The following LYN variants were observed in gnomAD, a reference collection of about 807,000 sequenced individuals.
LYN encodes the protein tyrosine-protein kinase Lyn.
In LYN, 12 loss-of-function variants were observed where a neutral mutation model predicts 65.0. That is an observed-to-expected ratio of 0.18 (90% CI 0.12 to 0.30). The LOEUF (loss-of-function observed/expected upper bound fraction) is 0.30, where lower values mean the gene tolerates loss of function less well. Among genes scored for constraint, LYN ranks in the 10% least tolerant of loss-of-function variants. The probability of loss-of-function intolerance (pLI) is 1.00; values close to 1 mark genes in which losing one functional copy is unlikely to be tolerated. For synonymous variants in LYN, 222 were observed against 221.2 expected, an observed-to-expected ratio of 1.00 and a Z score of -0.03; for missense variants, 380 against 623.2, an observed-to-expected ratio of 0.61 and a Z score of 4.16.
intron 1 of LYN, among the ~76,000 whole-genome samples, chr8:55,904,274 G>T (rs941558201): frequency 2.6e-5 from 4 of 152,060 alleles, no homozygotes; most frequent in African/African-American, 9.7e-5. Context: ...CCAAATTCAG[G>T]AGTAAGTAAC....
intron 12 of LYN, among the ~76,000 whole-genome samples, chr8:56,008,125 A>AAAAAAAAT (rs762053359): frequency 6.7e-5 from 9 of 133,608 alleles, no homozygotes; most frequent in African/African-American, 2.4e-4. Flanking sequence ...CCTCAAAAAA[A>AAAAAAAAT]AAATAAAATA....
Position 55,966,891 on chromosome 8 carries a change from G to A in LYN, c.967G>A (p.Ala323Thr), listed in dbSNP as rs1807474529. Residue 323 changes from alanine to threonine, a missense_variant, in exon 9 of 13, where the codon GCC becomes ACC. Physicochemically the swap from Ala to Thr is moderately conservative, Grantham distance 58 (BLOSUM62 0). This residue lies in a region of LYN where 223 missense variants were observed against 430.0 expected (regional missense o/e 0.52). Transcript: ENST00000519728. ...EPIYIITEYMAKGSLLDFLKS... is the reference protein window; with the variant it reads ...EPIYIITEYMTKGSLLDFLKS... ...CATTTACATCATCACCGAGTACATG[G>A]CCAAGGGTGAGTTCCTCCCACTGCC... is the stretch of plus-strand genomic sequence containing the variant. 6.2e-7 allele frequency: 1 copy of A among 1,612,932 alleles called. No homozygotes were observed. Among genetic ancestry groups the A allele is most frequent in the African/African-American group, 1.3e-5 (1 of 74,816 alleles).
At chr8:55,880,555 A>T (rs993121702) in intron 1 of LYN, among the ~76,000 whole-genome samples, 56 of 151,946 alleles carry the variant, frequency 3.7e-4, no homozygotes, top group African/African-American at 1.3e-3. Context: ...GTGCAATCTG[A>T]TCTCCCCTCT....
At chr8:55,925,192 C>T (rs1372731955) in intron 1 of LYN, among the ~76,000 whole-genome samples, 5 of 152,100 alleles carry the variant, frequency 3.3e-5, no homozygotes, top group African/African-American at 4.8e-5. Flanking sequence ...GTGCAATCAC[C>T]GTTCACTGCC....
intron 12 of LYN, among the ~76,000 whole-genome samples, chr8:56,007,123 G>A (rs1323108965): frequency 6.6e-6 from 1 of 152,122 alleles, no homozygotes; most frequent in East Asian, 1.9e-4. Context: ...CTTCCACTGT[G>A]GCTGCATTCT....
intron 10 of LYN, among the ~76,000 whole-genome samples, chr8:55,983,811 A>G (rs1337840340): frequency 6.6e-6 from 1 of 151,840 alleles, no homozygotes; most frequent in Non-Finnish European, 1.5e-5. Flanking sequence ...CTTTCAACCT[A>G]TTTTTTCTCC....
intron 1 of LYN, among the ~76,000 whole-genome samples, chr8:55,935,401 A>T (rs996248550): frequency 1.5e-4 from 23 of 152,182 alleles, no homozygotes; most frequent in Non-Finnish European, 1.5e-5. Flanking sequence ...AATAATGACC[A>T]TGGTATGTAA....
chr8:55,981,267 C>T (rs16920156), intron 10 of LYN, among the ~76,000 whole-genome samples: 6,041 of 152,232 alleles, frequency 0.04, 428 homozygotes, highest in African/African-American at 0.14. Flanking sequence ...TCCTCAGTCT[C>T]GGTCCCCGCC....
intron 1 of LYN, among the ~76,000 whole-genome samples, chr8:55,882,277 C>A (rs1804673427): frequency 6.6e-6 from 1 of 152,146 alleles, no homozygotes; most frequent in African/African-American, 2.4e-5. Context: ...TGTAATCCCG[C>A]CCCTGCCCTC....
chr8:55,972,523 G>A (rs912181899), intron 10 of LYN, among the ~76,000 whole-genome samples: 1 of 152,098 alleles, frequency 6.6e-6, no homozygotes, highest in Non-Finnish European at 1.5e-5. Flanking sequence ...TGCTCACTGC[G>A]CCTGCTCCCT....
At position 55,951,983 on chromosome 8, in the gene LYN, G is replaced by C; in HGVS notation, c.505G>C (p.Val169Leu). ...CCCCATAGGAAGCTTCTCTCTGTCT[G>C]TCAGAGACTTTGACCCTGTGCATGG... ...ETLKGSFSLSVRDFDPVHGDV... is the reference protein window; with the variant it reads ...ETLKGSFSLSLRDFDPVHGDV... The change falls in exon 7 of 13, where the codon GTC becomes CTC. Residue 169 changes from valine to leucine, a missense_variant. Around this residue, in one of 2 missense-constraint regions of LYN, gnomAD observed 223 missense variants for 430.0 expected, o/e 0.52. Transcript: ENST00000519728. The C allele has an allele frequency of 5.0e-6, 8 of 1,610,372 alleles. No homozygotes were observed. The highest frequency in any genetic ancestry group is 5.1e-6 in the Non-Finnish European group (6 of 1,179,134).
intron 1 of LYN, among the ~76,000 whole-genome samples, chr8:55,901,420 A>G (rs566102987): frequency 5.3e-5 from 8 of 152,320 alleles, no homozygotes; most frequent in African/African-American, 1.4e-4. Context: ...GAACTGTTTA[A>G]TTGAACGGTT....
chr8:56,007,489 G>T (rs767778419), intron 12 of LYN, among the ~76,000 whole-genome samples: 1 of 152,172 alleles, frequency 6.6e-6, no homozygotes, highest in Non-Finnish European at 1.5e-5. Context: ...ATTAGACTCA[G>T]GAAAATGGAT....
At chr8:55,889,283 C>T (rs1804886624) in intron 1 of LYN, among the ~76,000 whole-genome samples, 1 of 152,200 alleles carries the variant, frequency 6.6e-6, no homozygotes, top group South Asian at 2.1e-4. Flanking sequence ...GCAGTCATAG[C>T]TCACTGCACC....
chr8:55,918,177 A>G (rs1805833367), intron 1 of LYN, among the ~76,000 whole-genome samples: 1 of 152,228 alleles, frequency 6.6e-6, no homozygotes, highest in South Asian at 2.1e-4. Context: ...TCTCTGGCTC[A>G]GACAGGACAC....
At chr8:55,993,784 A>G (rs1320571523) in intron 10 of LYN, among the ~76,000 whole-genome samples, 1 of 152,224 alleles carries the variant, frequency 6.6e-6, no homozygotes, top group African/African-American at 2.4e-5. Context: ...TCATCTTAGT[A>G]AAATGTCTGT....
At chr8:55,928,392 G>A (rs1258898297) in intron 1 of LYN, among the ~76,000 whole-genome samples, 3 of 152,004 alleles carry the variant, frequency 2.0e-5, no homozygotes, top group Non-Finnish European at 4.4e-5. Context: ...GTGATCCGCC[G>A]ACCTTGGCCT....
At position 55,998,338 on chromosome 8, in the gene LYN, G is replaced by GT; in HGVS notation, c.1051-4dup. 1 of 1,602,160 alleles carries GT rather than the reference G, an allele frequency of 6.2e-7. No individual in the cohort carries two copies. The highest frequency in any genetic ancestry group is 8.5e-7 in the Non-Finnish European group (1 of 1,169,772). ...CATATGAAAATGGGAGCCTATTTCT[G>GT]TTTTCAGATTGCAGAGGGAATGGCA... is the stretch of plus-strand genomic sequence containing the variant. On this transcript the variant is annotated splice_region_variant and splice_polypyrimidine_tract_variant and intron_variant, in intron 10 of 12. Transcript: ENST00000519728.
rs1161979828 is a variant in LYN, at chr8:56,010,306, C to T, written c.*196C>T. 3.5e-6 allele frequency: 2 copies of T among 566,170 alleles called. No homozygotes were observed. The highest frequency in any genetic ancestry group is 6.2e-6 in the Non-Finnish European group (2 of 320,128). 35.1% of individuals were successfully genotyped at this position (566,170 alleles called of 1,614,324 possible). A position where few individuals can be genotyped will look rare whatever the true frequency, so the allele number is the denominator to read the frequency against. ...TCTGTACTCTTAGATGGATTCTCCA[C>T]TCAGTTGCAACTTGGACTTGTCCTC... is the stretch of plus-strand genomic sequence containing the variant. On this transcript the variant is annotated 3_prime_UTR_variant, in exon 13 of 13. Transcript: ENST00000519728.
Sources: allele counts gnomAD v4.1 joint callset (sites outside exome capture counted in the v4.1 genomes callset), GRCh38; gene constraint gnomAD v4.1.1; regional missense constraint gnomAD v4.1.1; transcripts MANE v1.5; gene names NCBI Gene and HGNC (gene_info 2026-07-23, HGNC 2026-07-21).